Variants in ESRRB observed in about 807,000 individuals in gnomAD.
ESRRB encodes the protein steroid hormone receptor ERR2.
A neutral mutation model predicts 46.0 loss-of-function variants in ESRRB; 16 were observed. The observed-to-expected ratio is 0.35, with a 90% CI of 0.24 to 0.53. The LOEUF (loss-of-function observed/expected upper bound fraction) is 0.53, where lower values mean the gene tolerates loss of function less well. Ranked by LOEUF, ESRRB falls within the 20% of genes least tolerant of loss-of-function variation. ESRRB has a pLI of 0.93. For synonymous variants in ESRRB, 246 were observed against 259.6 expected (o/e 0.95, Z 0.50); for missense variants, 488 against 607.4 (o/e 0.80, Z 2.07).
intron 1 of ESRRB, among the ~76,000 whole-genome samples, chr14:76,330,565 G>A (rs1021723154): frequency 4.6e-5 from 7 of 152,218 alleles, no homozygotes; most frequent in South Asian, 2.1e-4. Flanking sequence ...GGAGTAAGAG[G>A]TCGGGACCCC....
chr14:76,461,379 C>CT (rs1320612692), intron 2 of ESRRB, among the ~76,000 whole-genome samples: 3 of 152,232 alleles, frequency 2.0e-5, no homozygotes, highest in Non-Finnish European at 4.4e-5. Context: ...ATTGCGGGGG[C>CT]TGTGCTAAGT....
chr14:76,339,186 G>A (rs562035001), intron 1 of ESRRB, among the ~76,000 whole-genome samples: 59 of 152,276 alleles, frequency 3.9e-4, no homozygotes, highest in South Asian at 8.3e-4. Flanking sequence ...CCTAGTGGGT[G>A]CAGCTGCTCT....
chr14:76,388,940 G>C lies in ESRRB; in HGVS notation c.50+12489G>C, dbSNP rs187533082. Among the ~76,000 whole-genome samples the C allele has an allele frequency of 3.6e-3, 551 of 152,222 alleles. 2 individuals carry two copies. Among genetic ancestry groups the C allele is most frequent in the Non-Finnish European group, 6.3e-3 (428 of 68,002 alleles). On this transcript the variant is annotated intron_variant, in intron 1 of 6. Transcript: ENST00000644823. Reference sequence around the variant, plus strand: ...AGTGCCCTACCTTGGTGCCCGTCTTGGATTCCCGCAGGCACCACACAGCAG... The same window carrying C: ...AGTGCCCTACCTTGGTGCCCGTCTTCGATTCCCGCAGGCACCACACAGCAG...
At chr14:76,397,203 T>C (rs1342395648) in intron 1 of ESRRB, among the ~76,000 whole-genome samples, 2 of 152,174 alleles carry the variant, frequency 1.3e-5, no homozygotes, top group African/African-American at 4.8e-5. Flanking sequence ...CGGATTCAGG[T>C]CACAGATAGA....
intron 3 of ESRRB, among the ~76,000 whole-genome samples, chr14:76,479,726 G>A (rs954670061): frequency 3.3e-5 from 5 of 152,146 alleles, no homozygotes; most frequent in Non-Finnish European, 7.3e-5. Flanking sequence ...GTTTGATGGT[G>A]CACTTGGCTG....
chr14:76,333,400 TTA>T (rs1187502256), intron 1 of ESRRB, among the ~76,000 whole-genome samples: 1 of 114,086 alleles, frequency 8.8e-6, no homozygotes, highest in African/African-American at 3.9e-5. Flanking sequence ...ATATATATAT[TTA>T]TATATGATAT....
chr14:76,489,781 C>A (rs1005745633), intron 5 of ESRRB, among the ~76,000 whole-genome samples: 1 of 152,158 alleles, frequency 6.6e-6, no homozygotes, highest in African/African-American at 2.4e-5. Context: ...GGAGACAGGA[C>A]AGCAGATGGA....
chr14:76,415,155 G>A (rs1886643818), intron 1 of ESRRB, among the ~76,000 whole-genome samples: 2 of 152,152 alleles, frequency 1.3e-5, no homozygotes, highest in Admixed American at 1.3e-4. Context: ...GCTAACTCCA[G>A]CATTTTTAAC....
chr14:76,460,905 C>T (rs937702131), intron 2 of ESRRB, among the ~76,000 whole-genome samples: 3 of 151,898 alleles, frequency 2.0e-5, no homozygotes, highest in Non-Finnish European at 2.9e-5. Context: ...AGGGTTTCAC[C>T]GTATTGGCCA....
At chr14:76,407,032 T>C (rs1274305114) in intron 1 of ESRRB, among the ~76,000 whole-genome samples, 2 of 152,164 alleles carry the variant, frequency 1.3e-5, no homozygotes, top group Non-Finnish European at 2.9e-5. Context: ...AATAAATGAA[T>C]CTTGGCCCTC....
chr14:76,431,970 C>T (rs1036210456), intron 1 of ESRRB, among the ~76,000 whole-genome samples: 22 of 152,306 alleles, frequency 1.4e-4, no homozygotes, highest in Non-Finnish European at 2.9e-4. Context: ...CAGGCCTAGA[C>T]GCCGTCTCCC....
chr14:76,443,852 T>A (rs1411807604), intron 2 of ESRRB, among the ~76,000 whole-genome samples: 1 of 152,202 alleles, frequency 6.6e-6, no homozygotes, highest in East Asian at 1.9e-4. Context: ...AGGATAATGA[T>A]CTCTTCGTAG....
chr14:76,452,626 A>AAAAAACAAAAAAAAAAC (rs200077355), intron 2 of ESRRB, among the ~76,000 whole-genome samples: 3,771 of 123,918 alleles, frequency 0.03, 113 homozygotes, highest in East Asian at 0.12. Flanking sequence ...TCTCCAAAAA[A>AAAAAACAAAAAAAAAAC]AAAAACAAAA....
At chr14:76,364,074 C>T (rs1884494659) in intron 1 of ESRRB, among the ~76,000 whole-genome samples, 1 of 152,210 alleles carries the variant, frequency 6.6e-6, no homozygotes, top group Non-Finnish European at 1.5e-5. Context: ...AGCTTCCTCT[C>T]TGCCTCCTGC....
At chr14:76,493,724 C>G (rs545818069) in intron 6 of ESRRB, among the ~76,000 whole-genome samples, 2 of 152,352 alleles carry the variant, frequency 1.3e-5, no homozygotes, top group Admixed American at 1.3e-4. Context: ...CAAACTGGGA[C>G]AGTTGGTTGC....
rs1264394182 is a variant in ESRRB, at chr14:76,439,624, T to C, written c.334T>C (p.Cys112Arg). The change falls in exon 2 of 7, where the codon TGC (cysteine) becomes CGC (arginine). Residue 112 changes from cysteine (C) to arginine (R), a missense_variant. Coordinates refer to ENST00000644823, the MANE Select transcript of ESRRB (RefSeq NM_001379180.1). The part of the protein sequence containing the change: ...SGIMEDSAIK[C>R]EYMLNAIPKR... ...CATCATGGAGGACTCGGCCATCAAG[T>C]GCGAGTACATGCTCAACGCCATCCC... 6.2e-7 allele frequency: 1 copy of C among 1,614,206 alleles called. No individual in the cohort carries two copies. The highest frequency in any genetic ancestry group is 8.5e-7 in the Non-Finnish European group (1 of 1,180,028).
intron 1 of ESRRB, among the ~76,000 whole-genome samples, chr14:76,422,894 T>C (rs1887031760): frequency 6.6e-6 from 1 of 152,188 alleles, no homozygotes; most frequent in South Asian, 2.1e-4. Flanking sequence ...CATTTTTGTT[T>C]ACACAGTGGG....
intron 1 of ESRRB, among the ~76,000 whole-genome samples, chr14:76,328,743 A>G (rs908435298): frequency 6.6e-6 from 1 of 151,904 alleles, no homozygotes; most frequent in African/African-American, 2.4e-5. Context: ...AAGCCTCCTC[A>G]TGCCTCCTCT....
intron 1 of ESRRB, among the ~76,000 whole-genome samples, chr14:76,329,848 A>C (rs1260432730): frequency 2.0e-5 from 3 of 152,072 alleles, no homozygotes; most frequent in African/African-American, 7.2e-5. Flanking sequence ...TTTACGAGGG[A>C]GCCGAGCAGC....
Sources: allele counts gnomAD v4.1 joint callset (sites outside exome capture counted in the v4.1 genomes callset), GRCh38; gene constraint gnomAD v4.1.1; transcripts MANE v1.5; gene names NCBI Gene and HGNC (gene_info 2026-07-23, HGNC 2026-07-21).